Variants in IRAK2 observed in about 807,000 individuals in gnomAD.
IRAK2 encodes interleukin-1 receptor-associated kinase-like 2.
A neutral mutation model predicts 72.0 loss-of-function variants in IRAK2; 57 were observed. The observed-to-expected ratio is 0.79, with a 90% CI of 0.64 to 0.99. The LOEUF (loss-of-function observed/expected upper bound fraction) is 0.99, where lower values mean the gene tolerates loss of function less well. IRAK2 is among the 50% of genes least tolerant of loss of function. The pLI, the probability that IRAK2 is intolerant of heterozygous loss-of-function variation, is 0.00. For synonymous variants in IRAK2, 293 were observed against 312.7 expected (o/e 0.94, Z 0.67); for missense variants, 790 against 794.4 (o/e 0.99, Z 0.07).
At chr3:10,213,655 C>A in intron 6 of IRAK2, 107 bp downstream of exon 6, 1 of 827,266 alleles carries the variant, frequency 1.2e-6, no homozygotes, top group South Asian at 1.4e-5. Context: ...CTCATTTAGT[C>A]CTTACAAGAA....
intron 2 of IRAK2, among the ~76,000 whole-genome samples, chr3:10,195,744 G>A (rs697919): frequency 0.24 from 36,018 of 151,982 alleles, 5,509 homozygotes; most frequent in East Asian, 0.72. Context: ...TACTGTTGCG[G>A]GCCTGGCCTC....
chr3:10,231,494 T>C (rs539052848), intron 10 of IRAK2, among the ~76,000 whole-genome samples: 1 of 152,034 alleles, frequency 6.6e-6, no homozygotes, highest in South Asian at 2.1e-4. Context: ...GGTTTTGCCA[T>C]GTTGCCCAGG....
chr3:10,239,089 C>G, intron 12 of IRAK2, 50 bp downstream of exon 12: 1 of 1,459,926 alleles, frequency 6.8e-7, no homozygotes, highest in Non-Finnish European at 9.2e-7. Context: ...GTGTCCCCAA[C>G]TTCAGCCCAT....
chr3:10,234,332 T>C (rs1297390697), intron 10 of IRAK2, 127 bp from the exon 11 acceptor site: 5 of 708,592 alleles, frequency 7.1e-6, no homozygotes, highest in Admixed American at 2.5e-5. Context: ...AATCCTTGCA[T>C]TTATTCTTAC....
chr3:10,220,032 C>T (rs1431622186), intron 8 of IRAK2, among the ~76,000 whole-genome samples: 2 of 152,218 alleles, frequency 1.3e-5, no homozygotes, highest in Admixed American at 6.5e-5. Context: ...TCACATTTGT[C>T]TTTCTGAGCT....
chr3:10,223,715 C>G (rs1481512762), intron 9 of IRAK2, among the ~76,000 whole-genome samples: 1 of 152,244 alleles, frequency 6.6e-6, no homozygotes, highest in Non-Finnish European at 1.5e-5. Flanking sequence ...CTGTCCTTGT[C>G]AGTGTTCCAT....
At chr3:10,223,188 G>A (rs1697723035) in intron 9 of IRAK2, among the ~76,000 whole-genome samples, 1 of 152,144 alleles carries the variant, frequency 6.6e-6, no homozygotes, top group Non-Finnish European at 1.5e-5. Flanking sequence ...GTAGGCTCCA[G>A]ATATCCTCTC....
rs891503997 is a variant in IRAK2, at chr3:10,183,581, C to T, written c.277+5561C>T. On this transcript the variant is annotated intron_variant, in intron 2 of 12. Coordinates refer to ENST00000256458, the MANE Select transcript of IRAK2 (RefSeq NM_001570.4). ...AACAAACAAACAAAAATTAGCCTGG[C>T]GTGGTTGCGGGTGCCTGTAGTCCCA... is the stretch of plus-strand genomic sequence containing the variant. Among the ~76,000 whole-genome samples the T allele has an allele frequency of 2.0e-5, 3 of 152,060 alleles. No homozygotes were observed. The East Asian group carries it at 5.8e-4, about 29-fold the overall frequency.
intron 11 of IRAK2, among the ~76,000 whole-genome samples, chr3:10,237,765 C>T (rs1697987573): frequency 6.7e-6 from 1 of 149,696 alleles, no homozygotes; most frequent in East Asian, 2.0e-4. Context: ...CGAGATACGC[C>T]CCTGCAGTCC....
intron 2 of IRAK2, among the ~76,000 whole-genome samples, chr3:10,183,105 T>A (rs992681333): frequency 6.6e-6 from 1 of 152,170 alleles, no homozygotes; most frequent in Non-Finnish European, 1.5e-5. Context: ...GTGTTAATGA[T>A]AAATTTGAAG....
At chr3:10,192,135 C>T (rs78497204) in intron 2 of IRAK2, among the ~76,000 whole-genome samples, 5,019 of 151,970 alleles carry the variant, frequency 0.033, 125 homozygotes, top group Non-Finnish European at 0.055. Context: ...AAAGAGAGGG[C>T]GCGGAAAGCT....
chr3:10,209,526 A>T (rs1697485604), intron 3 of IRAK2, 63 bp from the exon 4 acceptor site: 1 of 1,103,722 alleles, frequency 9.1e-7, no homozygotes, highest in South Asian at 1.7e-5. Flanking sequence ...TGAGGACTAG[A>T]CCAGGATCCC....
chr3:10,175,977 A>T (rs1361009706), intron 1 of IRAK2, among the ~76,000 whole-genome samples: 1 of 144,602 alleles, frequency 6.9e-6, no homozygotes, highest in African/African-American at 2.5e-5. Flanking sequence ...ATCTATGTAG[A>T]GGGGGTGATT....
Position 10,213,248 on chromosome 3 carries a change from C to G in IRAK2, c.570C>G (p.Ser190Arg). ...TTCCTAAGCAGGAAAAACTTTTGAG[C>G]TTGGCTGGAGACAGCCTTTTCTGGA... is the stretch of plus-strand genomic sequence containing the variant. ...TSIPKQEKLL[S>R]LAGDSLFWSE... Residue 190 changes from serine (S) to arginine (R), a missense_variant, in exon 5 of 13, where the codon AGC becomes AGG. Physicochemically the swap from Ser to Arg is moderately radical, Grantham distance 110 (BLOSUM62 -1). Coordinates refer to ENST00000256458, the MANE Select transcript of IRAK2 (RefSeq NM_001570.4). The G allele has an allele frequency of 6.2e-7, 1 of 1,614,166 alleles. No individual in the cohort carries two copies. Among genetic ancestry groups the G allele is most frequent in the Non-Finnish European group, 8.5e-7 (1 of 1,180,032 alleles).
At chr3:10,225,259 G>A (rs74549403) in intron 9 of IRAK2, among the ~76,000 whole-genome samples, 1,582 of 152,198 alleles carry the variant, frequency 0.01, 22 homozygotes, top group African/African-American at 0.036. Flanking sequence ...CTAAGTGTGG[G>A]GTCTTCACAC....
At chr3:10,241,047 G>A (rs1698051977) in intron 12 of IRAK2, among the ~76,000 whole-genome samples, 1 of 151,826 alleles carries the variant, frequency 6.6e-6, no homozygotes, top group Non-Finnish European at 1.5e-5. Flanking sequence ...AATAGGAACA[G>A]GGAAACCCTC....
At position 10,242,269 on chromosome 3, in the gene IRAK2, A is replaced by G. The variant is rs1210844784; in HGVS notation, c.*41A>G. ...TGAGGACCCTTGTCCTCAGTTGGAA[A>G]GATGAGCATCAGATCAAGAAAAAGG... is the stretch of plus-strand genomic sequence containing the variant. On this transcript the variant is annotated 3_prime_UTR_variant, in exon 13 of 13. Transcript: ENST00000256458. 5 of 1,197,068 alleles carry G rather than the reference A, an allele frequency of 4.2e-6. No homozygotes were observed. In the African/African-American group the frequency reaches 4.6e-5, roughly 11 times the overall value. 74.2% of individuals were successfully genotyped at this position (1,197,068 alleles called of 1,614,324 possible). A position where few individuals can be genotyped will look rare whatever the true frequency, so the allele number is the denominator to read the frequency against.
intron 2 of IRAK2, 35 bp downstream of exon 2, chr3:10,178,055 A>C: frequency 6.6e-7 from 1 of 1,515,310 alleles, no homozygotes; most frequent in Non-Finnish European, 9.0e-7. Context: ...AGTGGGGCCC[A>C]TCACGCTCCT....
At chr3:10,235,448 C>G (rs1345269932) in intron 11 of IRAK2, among the ~76,000 whole-genome samples, 1 of 152,116 alleles carries the variant, frequency 6.6e-6, no homozygotes, top group Non-Finnish European at 1.5e-5. Context: ...CAGGCATCAG[C>G]CGCTCTGTCC....
Sources: allele counts gnomAD v4.1 joint callset (sites outside exome capture counted in the v4.1 genomes callset), GRCh38; gene constraint gnomAD v4.1.1; transcripts MANE v1.5; gene names NCBI Gene and HGNC (gene_info 2026-07-23, HGNC 2026-07-21).